ABCD3: variants seen among roughly 807,000 people sequenced by gnomAD.
ABCD3 encodes ATP-binding cassette sub-family D member 3.
Under a neutral mutation model 105.5 loss-of-function variants are expected in ABCD3, and 41 were observed. The ratio of observed to expected loss-of-function variants is 0.39; its 90% CI spans 0.30 to 0.50. The LOEUF (loss-of-function observed/expected upper bound fraction) is 0.50, where lower values mean the gene tolerates loss of function less well. ABCD3 is among the 20% of genes least tolerant of loss of function. The pLI is 0.84. For missense variants in ABCD3, 622 were observed against 806.3 expected, an observed-to-expected ratio of 0.77 and a Z score of 2.77; for synonymous variants, 258 against 269.0, an observed-to-expected ratio of 0.96 and a Z score of 0.40.
At chr1:94,418,939 G>A (rs1055725459) in intron 1 of ABCD3, 3 of 352,286 alleles carry the variant, frequency 8.5e-6, no homozygotes, top group African/African-American at 6.6e-5. Flanking sequence ...CCCCTTCTGT[G>A]TCAACTTTCT....
chr1:94,499,152 T>A (rs1198554630), intron 19 of ABCD3, 118 bp downstream of exon 19: 9 of 972,202 alleles, frequency 9.3e-6, no homozygotes, highest in Non-Finnish European at 1.5e-5. Context: ...TCCAAAGCTG[T>A]AAATTGTGAT....
At chr1:94,405,228 C>T in the ABCD3 span, among the ~76,000 whole-genome samples, 632 of 151,998 alleles carry the variant, frequency 4.2e-3, 5 homozygotes, top group African/African-American at 0.014. Context: ...GCCAAATTCC[C>T]CTCAATTGCT....
chr1:94,464,939 G>A, intron 3 of ABCD3, 66 bp downstream of exon 3: 2 of 1,310,974 alleles, frequency 1.5e-6, no homozygotes, highest in East Asian at 2.3e-5. Flanking sequence ...CCTGAGGCTG[G>A]GTAATTTATA....
In ABCD3 at chr1:94,498,602, G is replaced by A; in HGVS notation, c.1387G>A (p.Val463Ile). Residue 463 changes from valine to isoleucine, a missense_variant and splice_region_variant, in exon 17 of 23, where the codon GTT (valine) becomes ATT (isoleucine). Coordinates refer to ENST00000370214, the MANE Select transcript of ABCD3 (RefSeq NM_002858.4). ...AGACTGATTTTTTTTTTTTTTTCAG[G>A]TTCGATCTGGGGCTAATGTTCTAAT... ...DVLIRDLNFE[V>I]RSGANVLICG... is the part of the protein sequence containing the mutation. 7 of 1,597,320 alleles carry A rather than the reference G, an allele frequency of 4.4e-6. No homozygotes were observed. Among genetic ancestry groups the A allele is most frequent in the Non-Finnish European group, 6.0e-6 (7 of 1,174,676 alleles).
At chr1:94,400,925 A>T in the ABCD3 span, among the ~76,000 whole-genome samples, 1 of 152,138 alleles carries the variant, frequency 6.6e-6, no homozygotes, top group African/African-American at 2.4e-5. Context: ...TTGAATGACC[A>T]ATCTGTTAAT....
At chr1:94,402,012 G>T in the ABCD3 span, among the ~76,000 whole-genome samples, 2 of 152,110 alleles carry the variant, frequency 1.3e-5, no homozygotes, top group South Asian at 2.1e-4. Context: ...TCATACATTG[G>T]TTCTGCCTGT....
At chr1:94,485,043 AGT>A (rs1649218538) in intron 10 of ABCD3, among the ~76,000 whole-genome samples, 1 of 152,176 alleles carries the variant, frequency 6.6e-6, no homozygotes, top group Non-Finnish European at 1.5e-5. Context: ...TACATGAATG[AGT>A]GGGTGTGGCT....
At chr1:94,490,929 C>T (rs112516335) in intron 15 of ABCD3, among the ~76,000 whole-genome samples, 40 of 152,034 alleles carry the variant, frequency 2.6e-4, no homozygotes, top group African/African-American at 8.9e-4. Context: ...CAACACTTAC[C>T]GTTTGTCTCT....
intron 21 of ABCD3, among the ~76,000 whole-genome samples, chr1:94,507,007 T>C (rs1650392782): frequency 2.0e-5 from 3 of 152,062 alleles, no homozygotes; most frequent in South Asian, 4.1e-4. Flanking sequence ...ATTATTATTA[T>C]ACTTTAAGTT....
At chr1:94,403,194 T>C in the ABCD3 span, among the ~76,000 whole-genome samples, 1 of 151,982 alleles carries the variant, frequency 6.6e-6, no homozygotes, top group African/African-American at 2.4e-5. Flanking sequence ...ATGATCCTCG[T>C]CTTAGGTTGT....
intron 1 of ABCD3, among the ~76,000 whole-genome samples, chr1:94,431,955 A>C (rs1179813814): frequency 6.6e-6 from 1 of 152,208 alleles, no homozygotes; most frequent in Non-Finnish European, 1.5e-5. Context: ...GGAAGCAAGC[A>C]TGGGACAGAA....
In ABCD3 at chr1:94,438,060, G is replaced by A. The variant is rs565852436; in HGVS notation, c.110+19472G>A. On this transcript the variant is annotated intron_variant, in intron 1 of 22. Coordinates refer to ENST00000370214, the MANE Select transcript of ABCD3 (RefSeq NM_002858.4). ...TCCCAGCACTTTGGGAGGCTGAGGC[G>A]GGCAGATCACGAGGTCAGGAGATCG... Among the ~76,000 whole-genome samples the A allele has an allele frequency of 1.8e-3, 269 of 151,920 alleles. 2 individuals carry two copies. The highest frequency in any genetic ancestry group is 6.0e-3 in the African/African-American group (247 of 41,440).
intron 1 of ABCD3, among the ~76,000 whole-genome samples, chr1:94,455,138 G>A (rs1317179796): frequency 6.6e-6 from 1 of 152,096 alleles, no homozygotes; most frequent in Non-Finnish European, 1.5e-5. Context: ...TGCTGTATTG[G>A]AACTTATATC....
At chr1:94,459,961 G>A (rs1352015733) in intron 2 of ABCD3, among the ~76,000 whole-genome samples, 2 of 152,146 alleles carry the variant, frequency 1.3e-5, no homozygotes, top group African/African-American at 2.4e-5. Context: ...TTGCTGAATA[G>A]TGTTCTTTGT....
intron 1 of ABCD3, among the ~76,000 whole-genome samples, chr1:94,440,375 T>A (rs1362107412): frequency 1.3e-5 from 2 of 152,238 alleles, no homozygotes; most frequent in Non-Finnish European, 2.9e-5. Flanking sequence ...TTCTTACCCT[T>A]TGTTCCTATG....
chr1:94,456,426 C>T (rs1467697791), intron 1 of ABCD3, among the ~76,000 whole-genome samples: 1 of 151,128 alleles, frequency 6.6e-6, no homozygotes, highest in Non-Finnish European at 1.5e-5. Flanking sequence ...CAGGTGCATG[C>T]CTCCACACTG....
At chr1:94,428,840 A>G (rs988742045) in intron 1 of ABCD3, among the ~76,000 whole-genome samples, 3 of 152,062 alleles carry the variant, frequency 2.0e-5, no homozygotes, top group African/African-American at 7.2e-5. Context: ...GCAAATTAGT[A>G]CAAGTAGAGT....
At chr1:94,400,956 T>A in the ABCD3 span, among the ~76,000 whole-genome samples, 94 of 152,234 alleles carry the variant, frequency 6.2e-4, 1 homozygote, top group Middle Eastern at 3.4e-3. Flanking sequence ...ATTAATGTGT[T>A]AATCAGGGGA....
chr1:94,465,658 T>G (rs1648100488), intron 3 of ABCD3, among the ~76,000 whole-genome samples: 1 of 152,228 alleles, frequency 6.6e-6, no homozygotes, highest in South Asian at 2.1e-4. Flanking sequence ...GTATATTTGA[T>G]TAAATATTTT....
Sources: allele counts gnomAD v4.1 joint callset (sites outside exome capture counted in the v4.1 genomes callset), GRCh38; gene constraint gnomAD v4.1.1; transcripts MANE v1.5; gene names NCBI Gene and HGNC (gene_info 2026-07-23, HGNC 2026-07-21).